Variants in ITGB5 observed in about 807,000 individuals in gnomAD.
The protein encoded by ITGB5 is integrin subunit beta 5.
Under a neutral mutation model 84.8 loss-of-function variants are expected in ITGB5, and 38 were observed. That is an observed-to-expected ratio of 0.45 (90% CI 0.35 to 0.59). The LOEUF is 0.59. ITGB5 is among the 20% of genes least tolerant of loss of function. ITGB5 has a pLI of 0.01. For missense variants in ITGB5, 905 were observed against 1,034.5 expected (o/e 0.87, Z 1.72); for synonymous variants, 393 against 414.4 (o/e 0.95, Z 0.63).
At chr3:124,875,970 T>G (rs921940271) in intron 1 of ITGB5, among the ~76,000 whole-genome samples, 4 of 152,072 alleles carry the variant, frequency 2.6e-5, no homozygotes, top group African/African-American at 9.6e-5. Flanking sequence ...AGTAAAATGG[T>G]GGTTGCCATG....
chr3:124,873,574 A>G (rs186976882), intron 1 of ITGB5, 43 bp from the exon 2 acceptor site: 3 of 1,414,452 alleles, frequency 2.1e-6, no homozygotes, highest in East Asian at 4.6e-5. Context: ...TCCTGGCTAT[A>G]AACTTCATGG....
At chr3:124,767,331 T>C (rs1328147640) in intron 12 of ITGB5, among the ~76,000 whole-genome samples, 1 of 152,216 alleles carries the variant, frequency 6.6e-6, no homozygotes, top group Non-Finnish European at 1.5e-5. Context: ...GCCTGGACTT[T>C]CTGTCTCAGC....
upstream of ITGB5, chr3:124,887,369 C>T: frequency 6.3e-6 from 1 of 158,840 alleles, no homozygotes; most frequent in Non-Finnish European, 1.4e-5. Context: ...ACACTCTGCC[C>T]CTGGCCTCCG....
At chr3:124,790,537 G>A (rs1006325989) in intron 10 of ITGB5, among the ~76,000 whole-genome samples, 1 of 152,182 alleles carries the variant, frequency 6.6e-6, no homozygotes, top group Non-Finnish European at 1.5e-5. Flanking sequence ...ACTAGACATG[G>A]TTAACAGAAC....
intron 12 of ITGB5, among the ~76,000 whole-genome samples, chr3:124,767,342 T>G (rs1158325172): frequency 2.9e-4 from 44 of 152,154 alleles, no homozygotes; most frequent in Admixed American, 2.8e-3. Context: ...CTGTCTCAGC[T>G]CCCTTCTGGG....
intron 10 of ITGB5, chr3:124,793,229 C>T (rs911633364): frequency 6.6e-6 from 1 of 152,248 alleles, no homozygotes; most frequent in Non-Finnish European, 1.5e-5. Flanking sequence ...CAGCATCTGA[C>T]TCAAACGCCC....
Position 124,764,398 on chromosome 3 carries a change from T to C in ITGB5, c.2297A>G (p.Tyr766Cys). 1.2e-6 allele frequency: 2 copies of C among 1,604,986 alleles called. No homozygotes were observed. The highest frequency in any genetic ancestry group is 2.2e-5 in the South Asian group (2 of 90,842). ...CATTTCCCACGTGCTTACCATTTCATAGCGGGCCCTGGATCGCTCGCTCTG... is the reference window on the plus strand; with the variant it reads ...CATTTCCCACGTGCTTACCATTTCACAGCGGGCCCTGGATCGCTCGCTCTG... ...KFQSERSRAR[Y>C]EMASNPLYRK... The change falls in exon 14 of 15, where the codon TAT becomes TGT. Residue 766 changes from tyrosine to cysteine, a missense_variant. This residue lies in a region of ITGB5 where 133 missense variants were observed against 122.8 expected (regional missense o/e 1.08). Coordinates refer to ENST00000296181, the MANE Select transcript of ITGB5 (RefSeq NM_002213.5).
intron 1 of ITGB5, among the ~76,000 whole-genome samples, chr3:124,896,930 AT>A (rs1174426463): frequency 9.3e-5 from 14 of 149,818 alleles, no homozygotes; most frequent in Admixed American, 4.7e-4. Context: ...AAAAAAAAAA[AT>A]TTAAAAAGAA....
intron 3 of ITGB5, among the ~76,000 whole-genome samples, chr3:124,853,721 G>GT (rs1228351809): frequency 2.0e-5 from 3 of 152,308 alleles, no homozygotes; most frequent in Admixed American, 2.0e-4. Context: ...ATTACCTGTA[G>GT]TTTAGTTAAT....
rs538788182 is a variant in ITGB5 at position 124,773,611 on chromosome 3, C to T, written c.1916+79G>A. ...CAGGAGGTGAGGAGTGGAGGCTAGC[C>T]GGCCCTGAGGGCTGCCTGGCTGGAC... On this transcript the variant is annotated intron_variant, in intron 11 of 14. Coordinates refer to ENST00000296181, the MANE Select transcript of ITGB5 (RefSeq NM_002213.5). The T allele has an allele frequency of 1.8e-4, 242 of 1,364,508 alleles. 1 individual carries two copies. In the African/African-American group the frequency reaches 2.4e-3, roughly 14 times the overall value. The allele number at this position is 1,364,508 out of a possible 1,614,324, so 84.5% of individuals were successfully genotyped here.
At chr3:124,836,297 C>T (rs548540734) in intron 5 of ITGB5, among the ~76,000 whole-genome samples, 1 of 152,054 alleles carries the variant, frequency 6.6e-6, no homozygotes, top group Admixed American at 6.5e-5. Context: ...GGGCAGATCA[C>T]TTGAGCCCAG....
At chr3:124,802,209 G>A (rs531487032) in intron 9 of ITGB5, among the ~76,000 whole-genome samples, 6 of 152,300 alleles carry the variant, frequency 3.9e-5, no homozygotes, top group South Asian at 2.1e-4. Flanking sequence ...GAGTGAGCAC[G>A]GGATTTGGTA....
chr3:124,874,572 G>A (rs1056298166), intron 1 of ITGB5, among the ~76,000 whole-genome samples: 2 of 152,170 alleles, frequency 1.3e-5, no homozygotes, highest in African/African-American at 4.8e-5. Context: ...GAAGAACAAA[G>A]ATGGAGGCAT....
chr3:124,861,539 C>CAT lies in ITGB5; in HGVS notation c.157-2095_157-2094dup, dbSNP rs1307638850. ...ACACACACACACACAGAGAGATACA[C>CAT]ATATATATATTATTCTGGCCTTAGA... On this transcript the variant is annotated intron_variant, in intron 2 of 14. Transcript: ENST00000296181. 2.2e-5 allele frequency among the ~76,000 whole-genome samples: 3 copies of CAT among 135,348 alleles called. No individual in the cohort carries two copies. In the Admixed American group the frequency reaches 2.3e-4, roughly 10 times the overall value. The allele number at this position is 135,348 out of a possible 152,430, so 88.8% of individuals were successfully genotyped here. A position where few individuals can be genotyped will look rare whatever the true frequency, so the allele number is the denominator to read the frequency against.
At chr3:124,823,761 C>A (rs1432178794) in intron 5 of ITGB5, among the ~76,000 whole-genome samples, 1 of 151,592 alleles carries the variant, frequency 6.6e-6, no homozygotes, top group East Asian at 1.9e-4. Flanking sequence ...AAAGAGGGAG[C>A]CAGATGCTTG....
intron 5 of ITGB5, among the ~76,000 whole-genome samples, chr3:124,824,121 C>G (rs2064748592): frequency 6.6e-6 from 1 of 152,142 alleles, no homozygotes; most frequent in Non-Finnish European, 1.5e-5. Flanking sequence ...GCAATGGAAA[C>G]TAGCAAAACA....
At chr3:124,813,668 G>A (rs2064540137) in intron 8 of ITGB5, among the ~76,000 whole-genome samples, 2 of 152,244 alleles carry the variant, frequency 1.3e-5, no homozygotes, top group South Asian at 2.1e-4. Flanking sequence ...AGGGCAAGGT[G>A]TGTGAGGAGG....
At chr3:124,778,590 A>G (rs1423976833) in intron 10 of ITGB5, among the ~76,000 whole-genome samples, 1 of 152,186 alleles carries the variant, frequency 6.6e-6, no homozygotes, top group Non-Finnish European at 1.5e-5. Flanking sequence ...GCAGGGTGTA[A>G]GGAGGTGGTG....
chr3:124,763,227 G>C lies in ITGB5; in HGVS notation c.*396C>G, dbSNP rs1182201104. The C allele has an allele frequency of 5.8e-6, 1 of 171,112 alleles. No individual in the cohort carries two copies. Among genetic ancestry groups the C allele is most frequent in the East Asian group, 1.7e-4 (1 of 6,048 alleles). The allele number at this position is 171,112 out of a possible 1,614,324, so 10.6% of individuals were successfully genotyped here. On this transcript the variant is annotated 3_prime_UTR_variant, in exon 15 of 15. Transcript: ENST00000296181. ...TGATCAATGTGAAAAAAGCCAAACT[G>C]TATGCTGGTTTTACAGACTCCGACC...
Sources: allele counts gnomAD v4.1 joint callset (sites outside exome capture counted in the v4.1 genomes callset), GRCh38; gene constraint gnomAD v4.1.1; regional missense constraint gnomAD v4.1.1; transcripts MANE v1.5; gene names NCBI Gene and HGNC (gene_info 2026-07-23, HGNC 2026-07-21).